The following MSRA variants were observed in gnomAD, a reference collection of about 807,000 sequenced individuals.
The protein encoded by MSRA is mitochondrial peptide methionine sulfoxide reductase.
In MSRA, 54 loss-of-function variants were observed where a neutral mutation model predicts 31.3. The ratio of observed to expected loss-of-function variants is 1.73; its 90% confidence interval spans 1.39 to 2.17. The LOEUF (loss-of-function observed/expected upper bound fraction) is 2.17, where lower values mean the gene tolerates loss of function less well. MSRA is among the 30% of genes most tolerant of loss of function. The pLI, the probability that MSRA is intolerant of heterozygous loss-of-function variation, is 0.00. For missense variants in MSRA, 507 were observed against 300.9 expected, an observed-to-expected ratio of 1.69 and a Z score of -5.07; for synonymous variants, 169 against 116.5, an observed-to-expected ratio of 1.45 and a Z score of -2.90.
At position 10,151,245 on chromosome 8, in the gene MSRA, G is replaced by C. The variant is rs1337164890; in HGVS notation, c.143-56588G>C. ...CCACTGCATTCCAGCCTGGGTGACA[G>C]AGCGAGAGTCTGTCTCAAAAAAAAA... is the stretch of plus-strand genomic sequence containing the variant. On this transcript the variant is annotated intron_variant, in intron 1 of 5. Transcript: ENST00000317173. 3.7e-5 allele frequency among the ~76,000 whole-genome samples: 5 copies of C among 135,678 alleles called. No homozygotes were observed. The South Asian group carries it at 1.2e-3, about 33-fold the overall frequency. The allele number at this position is 135,678 out of a possible 152,430, so 89.0% of individuals were successfully genotyped here.
Position 10,129,887 on chromosome 8 carries a change from C to T in MSRA, c.142+75229C>T, listed in dbSNP as rs545647731. 2.0e-4 allele frequency among the ~76,000 whole-genome samples: 31 copies of T among 152,166 alleles called. No homozygotes were observed. The East Asian group carries it at 3.9e-3, about 19-fold the overall frequency. On this transcript the variant is annotated intron_variant, in intron 1 of 5. Transcript: ENST00000317173. ...TCCCCATATTTCTCCTCTCTCTCTC[C>T]GTAATGATAAATATGAATACATACA...
intron 5 of MSRA, among the ~76,000 whole-genome samples, chr8:10,426,146 T>C (rs973712632): frequency 6.6e-6 from 1 of 152,194 alleles, no homozygotes; most frequent in African/African-American, 2.4e-5. Context: ...AAGGAGGTCA[T>C]TGCTAACTCT....
At chr8:10,167,843 G>T (rs1805274295) in intron 1 of MSRA, among the ~76,000 whole-genome samples, 1 of 152,104 alleles carries the variant, frequency 6.6e-6, no homozygotes, top group Non-Finnish European at 1.5e-5. Context: ...AGAAACCCAT[G>T]TAACTACCCC....
chr8:10,181,346 C>G (rs1806518848), intron 1 of MSRA, among the ~76,000 whole-genome samples: 1 of 151,744 alleles, frequency 6.6e-6, no homozygotes, highest in African/African-American at 2.4e-5. Context: ...AGTGCAAACA[C>G]CCTGTGGGGG....
chr8:10,412,399 A>C (rs138187123), intron 5 of MSRA, among the ~76,000 whole-genome samples: 99 of 152,330 alleles, frequency 6.5e-4, no homozygotes, highest in African/African-American at 2.1e-3. Flanking sequence ...GAACCAACTG[A>C]AAAAGTTGCT....
chr8:10,196,288 T>C (rs919016703), intron 1 of MSRA, among the ~76,000 whole-genome samples: 5 of 151,910 alleles, frequency 3.3e-5, no homozygotes, highest in African/African-American at 1.2e-4. Context: ...TAGAAACATT[T>C]AATGATGTTT....
chr8:10,371,607 A>G (rs1805481391), intron 5 of MSRA, among the ~76,000 whole-genome samples: 2 of 152,220 alleles, frequency 1.3e-5, no homozygotes, highest in African/African-American at 2.4e-5. Flanking sequence ...ATCCCTTAGC[A>G]TGGCATGCAA....
chr8:10,392,097 G>T (rs1554549077), intron 5 of MSRA, among the ~76,000 whole-genome samples: 1 of 152,180 alleles, frequency 6.6e-6, no homozygotes, highest in Non-Finnish European at 1.5e-5. Flanking sequence ...CTTAGTGGAA[G>T]GCTCATCTCT....
At chr8:10,232,975 G>A (rs1014401343) in intron 2 of MSRA, among the ~76,000 whole-genome samples, 2 of 152,116 alleles carry the variant, frequency 1.3e-5, no homozygotes, top group East Asian at 1.9e-4. Context: ...TTATTTCTAC[G>A]GAATGTAGAT....
chr8:10,245,673 G>T (rs1321757302), intron 3 of MSRA, among the ~76,000 whole-genome samples: 1 of 152,194 alleles, frequency 6.6e-6, no homozygotes, highest in African/African-American at 2.4e-5. Context: ...TGCCAGGTGG[G>T]GTAATGGGGA....
intron 4 of MSRA, among the ~76,000 whole-genome samples, chr8:10,313,618 A>G (rs1048990195): frequency 5.3e-5 from 8 of 152,350 alleles, no homozygotes; most frequent in Middle Eastern, 3.4e-3. Flanking sequence ...GTGCAAATCC[A>G]AATGAGATCC....
rs1312702125 is a variant in MSRA at position 10,378,467 on chromosome 8, C to T, written c.544-49681C>T. On this transcript the variant is annotated intron_variant, in intron 5 of 5. Transcript: ENST00000317173. ...GTCTCTGTGAACCACTGAGGCATTT[C>T]CTATCAGGGTGGCATCTCCAGTGAC... is the stretch of plus-strand genomic sequence containing the variant. Among the ~76,000 whole-genome samples, 13 of 152,198 alleles carry T rather than the reference C, an allele frequency of 8.5e-5. 1 individual carries two copies. Among genetic ancestry groups the T allele is most frequent in the Non-Finnish European group, 7.3e-5 (5 of 68,032 alleles).
At chr8:10,363,528 C>T (rs994132642) in intron 5 of MSRA, among the ~76,000 whole-genome samples, 2 of 152,108 alleles carry the variant, frequency 1.3e-5, no homozygotes, top group Non-Finnish European at 2.9e-5. Flanking sequence ...TGTAGCATGA[C>T]GATGTATATT....
chr8:10,133,632 A>G (rs1802059628), intron 1 of MSRA, among the ~76,000 whole-genome samples: 1 of 152,160 alleles, frequency 6.6e-6, no homozygotes, highest in African/African-American at 2.4e-5. Context: ...GGGAAAAAAG[A>G]CCTACATCAC....
chr8:10,086,733 CA>C (rs5889316), intron 1 of MSRA, among the ~76,000 whole-genome samples: 36,388 of 151,834 alleles, frequency 0.24, 7,122 homozygotes, highest in African/African-American at 0.54. Flanking sequence ...TCACACATAG[CA>C]GGTACTCAGT....
intron 1 of MSRA, among the ~76,000 whole-genome samples, chr8:10,124,725 A>C (rs1255263046): frequency 6.6e-6 from 1 of 152,192 alleles, no homozygotes; most frequent in African/African-American, 2.4e-5. Context: ...CAAGAAATCT[A>C]TTATTCGAGG....
intron 1 of MSRA, among the ~76,000 whole-genome samples, chr8:10,106,618 G>A (rs1231364041): frequency 6.6e-6 from 1 of 152,182 alleles, no homozygotes; most frequent in East Asian, 1.9e-4. Context: ...GAAGTGAAGT[G>A]CCTGGGCTTG....
chr8:10,246,314 A>G (rs994693866), intron 3 of MSRA, among the ~76,000 whole-genome samples: 4 of 152,200 alleles, frequency 2.6e-5, no homozygotes, highest in African/African-American at 9.7e-5. Flanking sequence ...CCTCATGGCA[A>G]ATTCTGTCTC....
At chr8:10,113,735 T>G (rs1244858174) in intron 1 of MSRA, among the ~76,000 whole-genome samples, 1 of 151,774 alleles carries the variant, frequency 6.6e-6, no homozygotes, top group East Asian at 1.9e-4. Context: ...GATTGTGCAT[T>G]GAAGCCTTAA....
Sources: gnomAD v4.1 joint callset for allele counts (sites outside exome capture counted in the v4.1 genomes callset) on GRCh38, gnomAD v4.1.1 for gene constraint, MANE v1.5 for transcripts, NCBI Gene and HGNC (gene_info 2026-07-23, HGNC 2026-07-21) for gene names.